TBX5: variants seen among roughly 807,000 people sequenced by gnomAD.
TBX5 encodes T-box transcription factor 5, also known as T-box transcription factor TBX5.
A neutral mutation model predicts 51.1 loss-of-function variants in TBX5; 8 were observed. The observed-to-expected ratio is 0.16, with a 90% CI of 0.09 to 0.28. TBX5 has a LOEUF of 0.28. Among genes scored for constraint, TBX5 ranks in the 10% least tolerant of loss-of-function variants. The pLI, the probability that TBX5 is intolerant of heterozygous loss-of-function variation, is 1.00. For synonymous variants in TBX5, 302 were observed against 266.4 expected (o/e 1.13, Z -1.30); for missense variants, 589 against 671.7 (o/e 0.88, Z 1.36).
chr12:114,356,152 GGCA>G, intron 8 of TBX5, 46 bp from the exon 9 acceptor site: 1 of 1,585,184 alleles, frequency 6.3e-7, no homozygotes, highest in Non-Finnish European at 8.6e-7. Context: ...GCAGGCACCA[GGCA>G]GCTAAAAGTG....
chr12:114,356,217 G>T, intron 8 of TBX5, 111 bp from the exon 9 acceptor site: 1 of 1,019,676 alleles, frequency 9.8e-7, no homozygotes, highest in Non-Finnish European at 1.5e-6. Context: ...GAGACTGTTA[G>T]CCCTAACCGC....
intron 6 of TBX5, among the ~76,000 whole-genome samples, chr12:114,388,043 T>C (rs1193173079): frequency 6.6e-6 from 1 of 152,064 alleles, no homozygotes; most frequent in Non-Finnish European, 1.5e-5. Context: ...CAGATGAGGT[T>C]TTGCCATGTT....
rs777568811 is a variant in TBX5 at position 114,355,826 on chromosome 12, T to C, written c.1263A>G (p.Leu421=). 1 of 1,614,004 alleles carries C rather than the reference T, an allele frequency of 6.2e-7. No homozygotes were observed. The highest frequency in any genetic ancestry group is 1.1e-5 in the South Asian group (1 of 91,078). The change falls in exon 9 of 9, where the codon CTA becomes CTG. Residue 421 remains leucine, a synonymous_variant. Coordinates refer to ENST00000405440, the MANE Select transcript of TBX5 (RefSeq NM_181486.4). Reference sequence around the variant, plus strand: ...AGTGAGCGGAGAAGTGCTGGTAGGGTAGCCTGTCCATGGGCTGCACGGTGG... The same window carrying C: ...AGTGAGCGGAGAAGTGCTGGTAGGGCAGCCTGTCCATGGGCTGCACGGTGG... ...TVTTVQPMDR[L]PYQHFSAHFT...
chr12:114,398,758 A>T, intron 4 of TBX5, 38 bp from the exon 5 acceptor site: 1 of 1,580,590 alleles, frequency 6.3e-7, no homozygotes, highest in Non-Finnish European at 8.6e-7. Flanking sequence ...CCTGGCTCAG[A>T]GTCTGGAGGT....
rs1479476470 is a variant in TBX5 at position 114,355,071 on chromosome 12, C to T, written c.*461G>A. 1.1e-5 allele frequency: 2 copies of T among 181,922 alleles called. No individual in the cohort carries two copies. The highest frequency in any genetic ancestry group is 2.3e-5 in the Non-Finnish European group (2 of 85,444). The allele number at this position is 181,922 out of a possible 1,614,324, so 11.3% of individuals were successfully genotyped here. ...CCTCCCCCCAAATAAGGGACTGGGT[C>T]CCATTAAGAAAATTGAAAGAAAAAA... On this transcript the variant is annotated 3_prime_UTR_variant, in exon 9 of 9. Coordinates refer to ENST00000405440, the MANE Select transcript of TBX5 (RefSeq NM_181486.4).
intron 7 of TBX5, among the ~76,000 whole-genome samples, chr12:114,368,698 T>G (rs1869692554): frequency 6.6e-6 from 1 of 152,224 alleles, no homozygotes; most frequent in Non-Finnish European, 1.5e-5. Context: ...TACAAGACTC[T>G]TTCTACTTCT....
chr12:114,367,011 T>G (rs777631612), intron 7 of TBX5, among the ~76,000 whole-genome samples: 13 of 152,170 alleles, frequency 8.5e-5, no homozygotes, highest in Non-Finnish European at 1.6e-4. Flanking sequence ...GGATAATGAA[T>G]GTCCCCAGTT....
chr12:114,403,422 A>C (rs1309826740), intron 2 of TBX5, among the ~76,000 whole-genome samples: 1 of 152,210 alleles, frequency 6.6e-6, no homozygotes, highest in African/African-American at 2.4e-5. Flanking sequence ...TGCAGAGGGA[A>C]AGGAATTATC....
intron 7 of TBX5, among the ~76,000 whole-genome samples, chr12:114,370,199 C>A (rs1869779069): frequency 6.9e-6 from 1 of 143,922 alleles, no homozygotes; most frequent in African/African-American, 2.6e-5. Context: ...CCATTGCACT[C>A]CAGCCTGGAT....
At chr12:114,376,274 TACAC>T (rs79139632) in intron 7 of TBX5, among the ~76,000 whole-genome samples, 17,223 of 144,888 alleles carry the variant, frequency 0.12, 1,051 homozygotes, top group Middle Eastern at 0.16. Flanking sequence ...TGTATATATA[TACAC>T]ACACACACAC....
intron 7 of TBX5, among the ~76,000 whole-genome samples, chr12:114,372,932 G>T (rs536144562): frequency 2.7e-5 from 4 of 150,892 alleles, no homozygotes; most frequent in African/African-American, 4.9e-5. Flanking sequence ...ACCTCTTTGG[G>T]GTTATAAAAT....
upstream of TBX5, among the ~76,000 whole-genome samples, chr12:114,406,282 T>A (rs1872218123): frequency 7.2e-6 from 1 of 138,998 alleles, no homozygotes. Context: ...AATACGACTC[T>A]CAACACAGAC....
In TBX5 at chr12:114,401,746, T is replaced by G; in HGVS notation, c.242+80A>C. ...TCCTTTTGCCCCTTTCCTTCCTTCT[T>G]CTCTTCCAAGCCACCTTTTCTTCTT... On this transcript the variant is annotated intron_variant, in intron 3 of 8. Coordinates refer to ENST00000405440, the MANE Select transcript of TBX5 (RefSeq NM_181486.4). 4 of 1,357,056 alleles carry G rather than the reference T, an allele frequency of 2.9e-6. No homozygotes were observed. The South Asian group carries it at 4.7e-5, about 16-fold the overall frequency. 84.1% of individuals were successfully genotyped at this position (1,357,056 alleles called of 1,614,324 possible).
At chr12:114,405,145 TG>T (rs1872124912) in intron 1 of TBX5, among the ~76,000 whole-genome samples, 2 of 152,212 alleles carry the variant, frequency 1.3e-5, no homozygotes, top group South Asian at 4.1e-4. Flanking sequence ...CCTGACCTGC[TG>T]TGGCCAGAGA....
chr12:114,356,229 A>T, intron 8 of TBX5, 123 bp from the exon 9 acceptor site: 1 of 946,588 alleles, frequency 1.1e-6, no homozygotes, highest in Non-Finnish European at 1.7e-6. Flanking sequence ...CCTAACCGCC[A>T]TTCTGAATAC....
intron 7 of TBX5, among the ~76,000 whole-genome samples, chr12:114,370,832 C>T (rs1869861652): frequency 6.6e-6 from 1 of 151,726 alleles, no homozygotes; most frequent in Non-Finnish European, 1.5e-5. Flanking sequence ...TGTTTGGTTA[C>T]GTGGATTAGT....
In TBX5 at chr12:114,398,618, G is replaced by A. The variant is rs778977800; in HGVS notation, c.465C>T (p.Phe155=). 5 of 1,613,658 alleles carry A rather than the reference G, an allele frequency of 3.1e-6. No individual in the cohort carries two copies. In the East Asian group the frequency reaches 6.7e-5, roughly 22 times the overall value. The change falls in exon 5 of 9, where the codon TTC becomes TTT. Residue 155 remains phenylalanine, a synonymous_variant. Transcript: ENST00000405440. ...GAHWMRQLVS[F]QKLKLTNNHL... ...GGTTGTTGGTGAGCTTGAGTTTCTG[G>A]AAGGAGACGAGCTGCCTCATCCAAT...
At chr12:114,380,670 G>A (rs902139928) in intron 7 of TBX5, among the ~76,000 whole-genome samples, 6 of 151,946 alleles carry the variant, frequency 3.9e-5, no homozygotes, top group Non-Finnish European at 7.4e-5. Flanking sequence ...AGATTCCGTC[G>A]CTACAAAAAA....
chr12:114,365,532 A>C (rs979901641), intron 8 of TBX5, among the ~76,000 whole-genome samples: 1 of 152,176 alleles, frequency 6.6e-6, no homozygotes, highest in African/African-American at 2.4e-5. Context: ...CTATATTAAA[A>C]GTTTTTAAAA....
Sources: gnomAD v4.1 joint callset for allele counts (sites outside exome capture counted in the v4.1 genomes callset) on GRCh38, gnomAD v4.1.1 for gene constraint, MANE v1.5 for transcripts, NCBI Gene and HGNC (gene_info 2026-07-23, HGNC 2026-07-21) for gene names.